Variants in IL31RA observed in about 807,000 individuals in gnomAD.
IL31RA encodes interleukin 31 receptor A.
A neutral mutation model predicts 83.7 loss-of-function variants in IL31RA; 66 were observed. That is an observed-to-expected ratio of 0.79 (90% confidence interval 0.65 to 0.97). The LOEUF is 0.97. Among genes scored for constraint, IL31RA ranks in the 50% least tolerant of loss-of-function variants. The pLI is 0.00. For synonymous variants in IL31RA, 325 were observed against 329.0 expected, an observed-to-expected ratio of 0.99 and a Z score of 0.13; for missense variants, 798 against 919.4, an observed-to-expected ratio of 0.87 and a Z score of 1.71.
intron 11 of IL31RA, chr5:55,908,893 C>A (rs757722988): frequency 7.7e-7 from 1 of 1,295,342 alleles, no homozygotes; most frequent in Non-Finnish European, 9.8e-7. Flanking sequence ...TGGTAAAATA[C>A]ACGTAAAATA....
At chr5:55,884,994 A>G (rs528332748) in intron 5 of IL31RA, among the ~76,000 whole-genome samples, 15 of 152,152 alleles carry the variant, frequency 9.9e-5, no homozygotes, top group Admixed American at 2.6e-4. Flanking sequence ...ACTTCCTTCT[A>G]TACCTTTATC....
chr5:55,851,763 G>A (rs565382495), intron 1 of IL31RA, 130 bp downstream of exon 1: 29 of 1,585,926 alleles, frequency 1.8e-5, no homozygotes, highest in Admixed American at 8.5e-5. Context: ...ATGAGATTCC[G>A]TGGCATAATT....
the IL31RA span, among the ~76,000 whole-genome samples, chr5:55,844,202 A>C: frequency 6.6e-6 from 1 of 152,186 alleles, no homozygotes; most frequent in Admixed American, 6.5e-5. Context: ...TAAAGTGTTA[A>C]GAGAAAAAAA....
Position 55,917,384 on chromosome 5 carries a change from C to T in IL31RA, c.*264C>T, listed in dbSNP as rs1749854371. 1 of 1,260,400 alleles carries T rather than the reference C, an allele frequency of 7.9e-7. No homozygotes were observed. 78.1% of individuals were successfully genotyped at this position (1,260,400 alleles called of 1,614,324 possible). On this transcript the variant is annotated 3_prime_UTR_variant, in exon 15 of 15. Coordinates refer to ENST00000652347, the MANE Select transcript of IL31RA (RefSeq NM_139017.7). ...TCAGATACCAAGCTCTCACCGAGGCCTCCTGACAGATTGACTTTGAAGGAA... is the reference window on the plus strand; with the variant it reads ...TCAGATACCAAGCTCTCACCGAGGCTTCCTGACAGATTGACTTTGAAGGAA...
At chr5:55,845,036 C>A in the IL31RA span, among the ~76,000 whole-genome samples, 1 of 152,176 alleles carries the variant, frequency 6.6e-6, no homozygotes, top group African/African-American at 2.4e-5. Context: ...TCCACTCACC[C>A]TTAGCATATT....
chr5:55,916,904 T>C lies in IL31RA; in HGVS notation c.2079T>C (p.Pro693=). 1 of 1,614,042 alleles carries C rather than the reference T, an allele frequency of 6.2e-7. No homozygotes were observed. The highest frequency in any genetic ancestry group is 2.2e-5 in the East Asian group (1 of 44,868). The change falls in exon 15 of 15, where the codon CCT becomes CCC. Residue 693 remains proline, a synonymous_variant. Transcript: ENST00000652347. The part of the protein sequence containing the change: ...GKSFEELPVS[P]EIPPRKSQYL... ...GTTTTGAGGAGCTCCCAGTTTCACCTGAGATTCCGCCCAGAAAATCCCAAT... is the reference window on the plus strand; with the variant it reads ...GTTTTGAGGAGCTCCCAGTTTCACCCGAGATTCCGCCCAGAAAATCCCAAT...
chr5:55,869,809 CCTT>C (rs1746406759), intron 3 of IL31RA, among the ~76,000 whole-genome samples: 1 of 152,128 alleles, frequency 6.6e-6, no homozygotes, highest in African/African-American at 2.4e-5. Context: ...CTCATTACTT[CCTT>C]CTTGTGAATA....
At chr5:55,894,715 T>C (rs1425017747) in intron 6 of IL31RA, among the ~76,000 whole-genome samples, 2 of 152,198 alleles carry the variant, frequency 1.3e-5, no homozygotes, top group Non-Finnish European at 2.9e-5. Context: ...GTTATTTTAC[T>C]TTTTTAAAAA....
chr5:55,886,113 A>G (rs918626), intron 5 of IL31RA, among the ~76,000 whole-genome samples: 95,530 of 151,612 alleles, frequency 0.63, 31,588 homozygotes, highest in African/African-American at 0.84. Flanking sequence ...CCGTATCTTT[A>G]ACAAACTCAC....
At chr5:55,864,533 ACAT>A (rs1364487249) in intron 2 of IL31RA, among the ~76,000 whole-genome samples, 17 of 150,436 alleles carry the variant, frequency 1.1e-4, no homozygotes, top group African/African-American at 3.9e-4. Context: ...CACTATAAAC[ACAT>A]CACACACACT....
rs367709936 is a variant in IL31RA, at chr5:55,908,290, G to A, written c.1380G>A (p.Lys460=). Residue 460 remains lysine, a synonymous_variant, in exon 11 of 15, where the codon AAG becomes AAA. Transcript: ENST00000652347. ...TTCCATCAGAAGGTCCTGAGACCAA[G>A]GTGGAGAACATTGGCGTGAAGACGG... ...EGVPSEGPET[K]VENIGVKTVT... The A allele has an allele frequency of 1.9e-6, 3 of 1,614,044 alleles. No individual in the cohort carries two copies. In the African/African-American group the frequency reaches 4.0e-5, roughly 22 times the overall value.
chr5:55,875,048 A>G (rs931885462), intron 4 of IL31RA, among the ~76,000 whole-genome samples: 2 of 151,834 alleles, frequency 1.3e-5, no homozygotes, highest in African/African-American at 2.4e-5. Context: ...ATTTCCTTCC[A>G]CTCATAGTTT....
chr5:55,841,848 C>T, the IL31RA span, among the ~76,000 whole-genome samples: 1 of 152,034 alleles, frequency 6.6e-6, no homozygotes, highest in Non-Finnish European at 1.5e-5. Context: ...AATGTATTCT[C>T]TCACAGTTCT....
At chr5:55,873,253 A>G (rs1012989192) in intron 4 of IL31RA, among the ~76,000 whole-genome samples, 4 of 152,168 alleles carry the variant, frequency 2.6e-5, no homozygotes, top group South Asian at 2.1e-4. Flanking sequence ...TTCTTTTTAT[A>G]GCTAAATAAT....
At chr5:55,902,497 C>T (rs1394969401) in intron 8 of IL31RA, 1 of 150,446 alleles carries the variant, frequency 6.6e-6, no homozygotes, top group African/African-American at 2.4e-5. Context: ...ATTAGCCAGG[C>T]CTGGTGGCAT....
intron 11 of IL31RA, among the ~76,000 whole-genome samples, chr5:55,910,078 C>T (rs746411214): frequency 5.9e-5 from 9 of 152,060 alleles, no homozygotes; most frequent in Middle Eastern, 3.2e-3. Context: ...GTTATCTTTT[C>T]GTTATTGAAT....
Position 55,922,316 on chromosome 5 carries a change from A to G in IL31RA, c.*5196A>G. 2 of 1,257,936 alleles carry G rather than the reference A, an allele frequency of 1.6e-6. No individual in the cohort carries two copies. The highest frequency in any genetic ancestry group is 2.3e-6 in the Non-Finnish European group (2 of 879,836). The allele number at this position is 1,257,936 out of a possible 1,614,324, so 77.9% of individuals were successfully genotyped here. A position where few individuals can be genotyped will look rare whatever the true frequency, so the allele number is the denominator to read the frequency against. ...CAGGGGAGGGGCAGAACTCCACAAG[A>G]GGGCAAAACCTGCTGTCAGCAATGC... On this transcript the variant is annotated 3_prime_UTR_variant, in exon 15 of 15. Transcript: ENST00000652347.
upstream of IL31RA, among the ~76,000 whole-genome samples, chr5:55,851,168 G>A (rs567902002): frequency 6.6e-6 from 1 of 152,180 alleles, no homozygotes; most frequent in African/African-American, 2.4e-5. Context: ...TTAGGTGCCT[G>A]TGAGCCTCTG....
rs1483564546 is a variant in IL31RA, at chr5:55,922,202, A to G, written c.*5082A>G. ...ATGCTGGAAGAGACCCCAGGCCACA[A>G]TAGCCCTTGACACAGAGCTCTATGC... On this transcript the variant is annotated 3_prime_UTR_variant, in exon 15 of 15. Transcript: ENST00000652347. 6.6e-6 allele frequency among the ~76,000 whole-genome samples: 1 copy of G among 152,126 alleles called. No individual in the cohort carries two copies. The highest frequency in any genetic ancestry group is 1.5e-5 in the Non-Finnish European group (1 of 68,010).
Sources: allele counts gnomAD v4.1 joint callset (sites outside exome capture counted in the v4.1 genomes callset), GRCh38; gene constraint gnomAD v4.1.1; transcripts MANE v1.5; gene names NCBI Gene and HGNC (gene_info 2026-07-23, HGNC 2026-07-21).